The following MRM2 variants were observed in gnomAD, a reference collection of about 807,000 sequenced individuals.
The protein encoded by MRM2 is rRNA methyltransferase 2, mitochondrial.
A neutral mutation model predicts 10.9 loss-of-function variants in MRM2; 15 were observed. The observed-to-expected ratio is 1.37, with a 90% CI of 0.92 to 2.11. The LOEUF (loss-of-function observed/expected upper bound fraction) is 2.11, where lower values mean the gene tolerates loss of function less well. MRM2 is among the 30% of genes most tolerant of loss of function. The pLI is 0.00. For synonymous variants in MRM2, 139 were observed against 128.7 expected (o/e 1.08, Z -0.54); for missense variants, 328 against 321.3 (o/e 1.02, Z -0.16).
intron 2 of MRM2, 78 bp from the exon 3 acceptor site, chr7:2,235,642 G>T: frequency 2.0e-6 from 2 of 1,008,446 alleles, no homozygotes; most frequent in Non-Finnish European, 2.9e-6. Flanking sequence ...GCAACAAAGT[G>T]ATGAAATAAA....
Position 2,235,525 on chromosome 7 carries a change from A to T in MRM2, c.338T>A (p.Leu113His), listed in dbSNP as rs771823610. Reference protein sequence around the residue: ...SPVGFVLGVDLLHIFPLEGAT... With the variant: ...SPVGFVLGVDHLHIFPLEGAT... ...TCCTTCCAGGGGGAATATGTGAAGA[A>T]GATCTACCCCAAGCACGAAGCCAAC... Residue 113 changes from leucine to histidine, a missense_variant, in exon 3 of 3, where the codon CTT (leucine) becomes CAT (histidine). Physicochemically the swap from Leu to His is moderately conservative, Grantham distance 99 (BLOSUM62 -3). Transcript: ENST00000242257. 4 of 1,613,438 alleles carry T rather than the reference A, an allele frequency of 2.5e-6. No homozygotes were observed. Among genetic ancestry groups the T allele is most frequent in the Admixed American group, 3.3e-5 (2 of 59,996 alleles).
At chr7:2,236,224 G>A (rs143218469) in intron 2 of MRM2, among the ~76,000 whole-genome samples, 1 of 151,922 alleles carries the variant, frequency 6.6e-6, no homozygotes, top group African/African-American at 2.4e-5. Flanking sequence ...AGCGAGACTC[G>A]ATCTCAAAAG....
At chr7:2,241,976 T>C (rs1794554930) in intron 1 of MRM2, 186 bp downstream of exon 1, 2 of 586,264 alleles carry the variant, frequency 3.4e-6, no homozygotes, top group Non-Finnish European at 2.8e-6. Flanking sequence ...CCTGGAGACC[T>C]GAGGGCGCCC....
chr7:2,240,563 G>A (rs1297230566), intron 1 of MRM2, among the ~76,000 whole-genome samples: 2 of 152,038 alleles, frequency 1.3e-5, no homozygotes, highest in Non-Finnish European at 2.9e-5. Context: ...ATCGTTGAAG[G>A]ACAATTTCCA....
At chr7:2,237,888 A>AAAC (rs1794446426) in intron 2 of MRM2, 1 of 136,498 alleles carries the variant, frequency 7.3e-6, no homozygotes, top group Non-Finnish European at 1.6e-5. Context: ...GAGGCTCTAT[A>AAAC]AACAAAAAAA....
intron 1 of MRM2, among the ~76,000 whole-genome samples, chr7:2,241,614 T>G (rs1054184965): frequency 4.6e-5 from 7 of 152,218 alleles, no homozygotes; most frequent in Non-Finnish European, 1.5e-5. Context: ...TATGTCCATC[T>G]TTCTGATTTA....
chr7:2,235,429 C>T lies in MRM2; in HGVS notation c.434G>A (p.Gly145Asp). ...GCTCAGAATCACATCTGCTCTCCTG[C>T]CAGGAAGCACCTCGAGGATTCTCTG... ...TSQRILEVLP[G>D]RRADVILSDM... The change falls in exon 3 of 3, where the codon GGC becomes GAC. Residue 145 changes from glycine (G) to aspartate (D), a missense_variant. Coordinates refer to ENST00000242257, the MANE Select transcript of MRM2 (RefSeq NM_013393.3). 2.5e-6 allele frequency: 4 copies of T among 1,614,040 alleles called. No individual in the cohort carries two copies. In the South Asian group the frequency reaches 4.4e-5, roughly 18 times the overall value.
At chr7:2,237,639 A>G (rs1242141419) in intron 2 of MRM2, among the ~76,000 whole-genome samples, 1 of 152,178 alleles carries the variant, frequency 6.6e-6, no homozygotes, top group East Asian at 1.9e-4. Context: ...GAGCTGAAAA[A>G]CAATAAAAAG....
rs1185765003 is a variant in MRM2 at position 2,239,499 on chromosome 7, C to T, written c.217G>A (p.Gly73Ser). Residue 73 changes from glycine (G) to serine (S), a missense_variant, in exon 2 of 3, where the codon GGC becomes AGC. Transcript: ENST00000242257. ...VNERHQILRP[G>S]LRVLDCGAAP... ...GCCCCACAGTCTAACACCCGAAGGC[C>T]GGGCCGCAGAATCTGGTGCCTCTCG... is the stretch of plus-strand genomic sequence containing the variant. 9.9e-6 allele frequency: 16 copies of T among 1,613,840 alleles called. No individual in the cohort carries two copies. The East Asian group carries it at 2.9e-4, about 29-fold the overall frequency.
chr7:2,236,216 C>A (rs112191370), intron 2 of MRM2, among the ~76,000 whole-genome samples: 1 of 151,920 alleles, frequency 6.6e-6, no homozygotes, highest in Non-Finnish European at 1.5e-5. Context: ...GGCGACAGAG[C>A]GAGACTCGAT....
Position 2,242,161 on chromosome 7 carries a change from C to T in MRM2, c.8+1G>A. On this transcript the variant is annotated splice_donor_variant, in intron 1 of 2. Coordinates refer to ENST00000242257, the MANE Select transcript of MRM2 (RefSeq NM_013393.3). LOFTEE classifies it high-confidence loss of function. ...ACGCGCAGCAGCAGCGCCCAGCTCA[C>T]CCCGCCATTGGTGTTCCCCGCGCCT... The T allele has an allele frequency of 6.3e-7, 1 of 1,589,172 alleles. No individual in the cohort carries two copies. Among genetic ancestry groups the T allele is most frequent in the Non-Finnish European group, 8.5e-7 (1 of 1,172,362 alleles).
At chr7:2,241,095 G>A (rs1452924103) in intron 1 of MRM2, among the ~76,000 whole-genome samples, 1 of 152,186 alleles carries the variant, frequency 6.6e-6, no homozygotes, top group African/African-American at 2.4e-5. Context: ...ACAGCCTCTG[G>A]GGCTCAAGTG....
rs1472612447 is a variant in MRM2 at position 2,238,993 on chromosome 7, AT to A, written c.298+424del. On this transcript the variant is annotated intron_variant, in intron 2 of 2. Coordinates refer to ENST00000242257, the MANE Select transcript of MRM2 (RefSeq NM_013393.3). ...CAATAATAATTATATATATATATAT[AT>A]ATATATATATATATATATATATATA... is the stretch of plus-strand genomic sequence containing the variant. The A allele has an allele frequency of 9.8e-4, 52 of 53,288 alleles. 6 individuals are homozygous for A. The highest frequency in any genetic ancestry group is 3.6e-3 in the South Asian group (6 of 1,650). 3.3% of individuals were successfully genotyped at this position (53,288 alleles called of 1,614,324 possible).
At chr7:2,236,028 G>A (rs772466276) in intron 2 of MRM2, among the ~76,000 whole-genome samples, 8 of 151,476 alleles carry the variant, frequency 5.3e-5, no homozygotes, top group Non-Finnish European at 8.8e-5. Flanking sequence ...TCAGGACTTC[G>A]AGACCAGCCT....
At chr7:2,235,635 A>G (rs1317128851) in intron 2 of MRM2, 71 bp from the exon 3 acceptor site, 2 of 1,047,538 alleles carry the variant, frequency 1.9e-6, no homozygotes. Context: ...AGTACATGCA[A>G]CAAAGTGATG....
At chr7:2,237,109 G>A (rs1019628708) in intron 2 of MRM2, among the ~76,000 whole-genome samples, 8 of 152,060 alleles carry the variant, frequency 5.3e-5, no homozygotes, top group South Asian at 4.2e-4. Context: ...AGGTTCGAGC[G>A]ACCCCTGCCA....
intron 1 of MRM2, among the ~76,000 whole-genome samples, chr7:2,240,589 T>C (rs1226407268): frequency 6.6e-6 from 1 of 152,150 alleles, no homozygotes; most frequent in Admixed American, 6.5e-5. Flanking sequence ...CTCTAGACAA[T>C]TGTTACAATA....
Position 2,235,006 on chromosome 7 carries a change from T to C in MRM2, c.*116A>G. ...GAAAGAGAGAGAGAGACTCCCCACTTGTCCTGCTCCATCTCCAAAATCAGC... is the reference window on the plus strand; with the variant it reads ...GAAAGAGAGAGAGAGACTCCCCACTCGTCCTGCTCCATCTCCAAAATCAGC... On this transcript the variant is annotated 3_prime_UTR_variant, in exon 3 of 3. Coordinates refer to ENST00000242257, the MANE Select transcript of MRM2 (RefSeq NM_013393.3). 4.0e-6 allele frequency: 3 copies of C among 742,766 alleles called. No homozygotes were observed. Among genetic ancestry groups the C allele is most frequent in the Non-Finnish European group, 6.8e-6 (3 of 440,726 alleles). The allele number at this position is 742,766 out of a possible 1,614,324, so 46.0% of individuals were successfully genotyped here.
chr7:2,240,367 A>G, intron 1 of MRM2: 1 of 441,636 alleles, frequency 2.3e-6, no homozygotes, highest in Non-Finnish European at 4.5e-6. Context: ...GGGCTTTGAC[A>G]GCTAGTACAG....
Sources: gnomAD v4.1 joint callset for allele counts (sites outside exome capture counted in the v4.1 genomes callset) on GRCh38, gnomAD v4.1.1 for gene constraint, MANE v1.5 for transcripts, NCBI Gene and HGNC (gene_info 2026-07-23, HGNC 2026-07-21) for gene names.